Variants in ELAPOR1 observed in about 807,000 individuals in gnomAD.
ELAPOR1 encodes the protein endosome-lysosome associated apoptosis and autophagy regulator 1.
A neutral mutation model predicts 119.7 loss-of-function variants in ELAPOR1; 77 were observed. The observed-to-expected ratio is 0.64, with a 90% CI of 0.54 to 0.78. The LOEUF is 0.78. ELAPOR1 is among the 30% of genes least tolerant of loss of function. The probability of loss-of-function intolerance (pLI) is 0.00; values close to 1 mark genes in which losing one functional copy is unlikely to be tolerated. For missense variants in ELAPOR1, 1,115 were observed against 1,270.4 expected, an observed-to-expected ratio of 0.88 and a Z score of 1.86; for synonymous variants, 481 against 487.2, an observed-to-expected ratio of 0.99 and a Z score of 0.17.
chr1:109,138,864 T>G (rs1008513387), intron 1 of ELAPOR1, among the ~76,000 whole-genome samples: 14 of 139,126 alleles, frequency 1.0e-4, no homozygotes, highest in Non-Finnish European at 2.2e-4. Flanking sequence ...ATCTTCTCCC[T>G]AAAAGAGACG....
chr1:109,164,816 G>A lies in ELAPOR1; in HGVS notation c.467+125G>A, dbSNP rs879141472. 47 of 934,296 alleles carry A rather than the reference G, an allele frequency of 5.0e-5. No individual in the cohort carries two copies. In the South Asian group the frequency reaches 5.2e-4, roughly 10 times the overall value. 57.9% of individuals were successfully genotyped at this position (934,296 alleles called of 1,614,324 possible). On this transcript the variant is annotated intron_variant, in intron 3 of 21. Coordinates refer to ENST00000369939, the MANE Select transcript of ELAPOR1 (RefSeq NM_020775.5). ...GAGGATGGAGGGAAGAGGAAGCCAG[G>A]CTGCCAGGGTGAGGCCTGCAGCTGT...
At chr1:109,186,912 C>A in intron 8 of ELAPOR1, 1 of 985,560 alleles carries the variant, frequency 1.0e-6, no homozygotes, top group Non-Finnish European at 1.2e-6. Context: ...AGACCAAAGC[C>A]TGTGTTCCCG....
At chr1:109,177,677 G>A (rs1022217975) in intron 7 of ELAPOR1, among the ~76,000 whole-genome samples, 1 of 152,012 alleles carries the variant, frequency 6.6e-6, no homozygotes, top group Non-Finnish European at 1.5e-5. Context: ...GATCTTGGGG[G>A]AAGTTTTTAT....
Position 109,173,487 on chromosome 1 carries a change from G to A in ELAPOR1, c.710G>A (p.Arg237Gln), listed in dbSNP as rs147483565. 48 of 1,613,946 alleles carry A rather than the reference G, an allele frequency of 3.0e-5. No homozygotes were observed. Among genetic ancestry groups the A allele is most frequent in the African/African-American group, 1.5e-4 (11 of 75,034 alleles). Reference sequence around the variant, plus strand: ...TGTGGTTTTTAGGTGGAGCTAAATCGAGGCAATAATGTCCTCTATTGGAGA... The same window carrying A: ...TGTGGTTTTTAGGTGGAGCTAAATCAAGGCAATAATGTCCTCTATTGGAGA... ...GWEFHSVELN[R>Q]GNNVLYWRTT... The change falls in exon 6 of 22, where the codon CGA (arginine) becomes CAA (glutamine). Residue 237 changes from arginine to glutamine, a missense_variant. Arg to Gln is a conservative substitution (Grantham distance 43, BLOSUM62 1). Transcript: ENST00000369939.
At position 109,157,838 on chromosome 1, in the gene ELAPOR1, A is replaced by G. The variant is rs576159993; in HGVS notation, c.154-4056A>G. On this transcript the variant is annotated intron_variant, in intron 1 of 21. Coordinates refer to ENST00000369939, the MANE Select transcript of ELAPOR1 (RefSeq NM_020775.5). ...CTTCCACAGTGGATGGTAATGAAGT[A>G]CAGCTCTAGCATCTAACCCATAGAT... is the stretch of plus-strand genomic sequence containing the variant. Among the ~76,000 whole-genome samples the G allele has an allele frequency of 1.1e-4, 16 of 152,346 alleles. No homozygotes were observed. The South Asian group carries it at 3.1e-3, about 30-fold the overall frequency.
chr1:109,121,120 C>T (rs1648385898), intron 1 of ELAPOR1, among the ~76,000 whole-genome samples: 1 of 151,958 alleles, frequency 6.6e-6, no homozygotes, highest in Non-Finnish European at 1.5e-5. Flanking sequence ...TTTTTGGTCC[C>T]TTTTTGCATT....
chr1:109,202,966 C>T lies in ELAPOR1; in HGVS notation c.2996C>T (p.Ser999Leu). The part of the protein sequence containing the change: ...TSKRTPDGFD[S>L]VPLKTSSGGL... ...CAGAGGACTCCTGATGGATTTGACT[C>T]AGTGCCGCTGAAGACATCCTCAGGA... is the stretch of plus-strand genomic sequence containing the variant. Residue 999 changes from serine to leucine, a missense_variant, in exon 22 of 22, where the codon TCA (serine) becomes TTA (leucine). Coordinates refer to ENST00000369939, the MANE Select transcript of ELAPOR1 (RefSeq NM_020775.5). 1.2e-6 allele frequency: 2 copies of T among 1,613,812 alleles called. No individual in the cohort carries two copies. Among genetic ancestry groups the T allele is most frequent in the African/African-American group, 2.7e-5 (2 of 75,040 alleles).
At chr1:109,200,556 T>C (rs1654105356) in intron 20 of ELAPOR1, among the ~76,000 whole-genome samples, 179 bp from the exon 21 acceptor site, 1 of 152,198 alleles carries the variant, frequency 6.6e-6, no homozygotes, top group Admixed American at 6.5e-5. Flanking sequence ...GGAACAAAGA[T>C]CACTGAACTG....
chr1:109,162,432 T>C (rs918033423), intron 2 of ELAPOR1, among the ~76,000 whole-genome samples: 1 of 152,206 alleles, frequency 6.6e-6, no homozygotes, highest in Non-Finnish European at 1.5e-5. Context: ...AGGCTAAGTT[T>C]CTGCAGAGAC....
At chr1:109,123,265 G>A (rs1648559756) in intron 1 of ELAPOR1, among the ~76,000 whole-genome samples, 2 of 152,178 alleles carry the variant, frequency 1.3e-5, no homozygotes, top group Admixed American at 1.3e-4. Flanking sequence ...GAAAAGCAGA[G>A]TTGATACAAA....
rs1382620685 is a variant in ELAPOR1 at position 109,205,236 on chromosome 1, A to C, written c.*2224A>C. The C allele has an allele frequency of 2.6e-5, 4 of 152,244 alleles. No individual in the cohort carries two copies. The East Asian group carries it at 7.7e-4, about 29-fold the overall frequency. The allele number at this position is 152,244 out of a possible 1,614,324, so 9.4% of individuals were successfully genotyped here. On this transcript the variant is annotated 3_prime_UTR_variant, in exon 22 of 22. Coordinates refer to ENST00000369939, the MANE Select transcript of ELAPOR1 (RefSeq NM_020775.5). ...TCCCTTGGTCAAGCCCCAATTGCCC[A>C]TGATTTGTGCCTGTGCCCTTTCTCC...
rs149263359 is a variant in ELAPOR1, at chr1:109,181,340, A to G, written c.953-3705A>G. Among the ~76,000 whole-genome samples, 767 of 152,354 alleles carry G rather than the reference A, an allele frequency of 5.0e-3. 10 individuals carry two copies. Among genetic ancestry groups the G allele is most frequent in the Non-Finnish European group, 8.7e-3 (592 of 68,032 alleles). ...ACTTTATCTTCTTACAGTTTTGCCC[A>G]GGGCCAATCCTACTTAAGTCACTTT... is the stretch of plus-strand genomic sequence containing the variant. On this transcript the variant is annotated intron_variant, in intron 7 of 21. Coordinates refer to ENST00000369939, the MANE Select transcript of ELAPOR1 (RefSeq NM_020775.5).
At chr1:109,163,107 T>C (rs1651363674) in intron 2 of ELAPOR1, among the ~76,000 whole-genome samples, 1 of 152,196 alleles carries the variant, frequency 6.6e-6, no homozygotes, top group South Asian at 2.1e-4. Flanking sequence ...GAGTTACGAA[T>C]ATTTAGGGAT....
intron 15 of ELAPOR1, among the ~76,000 whole-genome samples, chr1:109,197,070 G>A (rs1281846955): frequency 6.6e-6 from 1 of 151,768 alleles, no homozygotes; most frequent in Admixed American, 6.6e-5. Flanking sequence ...GGGAGACTGA[G>A]GCAGGAAGAT....
At chr1:109,177,504 C>A (rs1652416741) in intron 7 of ELAPOR1, among the ~76,000 whole-genome samples, 1 of 113,738 alleles carries the variant, frequency 8.8e-6, no homozygotes, top group African/African-American at 3.9e-5. Flanking sequence ...GGGATGGCGG[C>A]CGGGAAGAGG....
At chr1:109,172,617 G>A (rs1319391035) in intron 5 of ELAPOR1, 49 bp downstream of exon 5, 1 of 1,430,962 alleles carries the variant, frequency 7.0e-7, no homozygotes, top group African/African-American at 1.4e-5. Context: ...AAGGGACCCA[G>A]GGCCTTTCCT....
At chr1:109,201,304 G>A (rs1464838037) in intron 21 of ELAPOR1, 1 of 457,476 alleles carries the variant, frequency 2.2e-6, no homozygotes, top group African/African-American at 2.0e-5. Context: ...ACCAGTGGGG[G>A]GTGCTGTCTT....
intron 2 of ELAPOR1, among the ~76,000 whole-genome samples, chr1:109,162,701 A>C (rs1271309620): frequency 6.6e-6 from 1 of 152,262 alleles, no homozygotes; most frequent in Non-Finnish European, 1.5e-5. Context: ...AAGATATTTA[A>C]ATTCTAAAAT....
chr1:109,186,988 C>T (rs1484627206), intron 8 of ELAPOR1: 1 of 985,464 alleles, frequency 1.0e-6, no homozygotes, highest in East Asian at 1.1e-4. Flanking sequence ...CAGGAGTGCG[C>T]ATGAACATGC....
Sources: gnomAD v4.1 joint callset for allele counts (sites outside exome capture counted in the v4.1 genomes callset) on GRCh38, gnomAD v4.1.1 for gene constraint, MANE v1.5 for transcripts, NCBI Gene and HGNC (gene_info 2026-07-23, HGNC 2026-07-21) for gene names.